The following NALF1 variants were observed in gnomAD, a reference collection of about 807,000 sequenced individuals.
NALF1 encodes the protein family with sequence similarity 155 member A.
Under a neutral mutation model 48.4 loss-of-function variants are expected in NALF1, and 3 were observed. The ratio of observed to expected loss-of-function variants is 0.06; its 90% CI spans 0.03 to 0.16. The LOEUF (loss-of-function observed/expected upper bound fraction) is 0.16. NALF1 is among the 10% of genes least tolerant of loss of function. NALF1 has a pLI of 1.00. For synonymous variants in NALF1, 262 were observed against 245.7 expected (o/e 1.07, Z -0.62); for missense variants, 526 against 571.5 (o/e 0.92, Z 0.81).
chr13:107,524,008 T>C (rs543260718), intron 1 of NALF1, among the ~76,000 whole-genome samples: 11 of 152,252 alleles, frequency 7.2e-5, no homozygotes, highest in Admixed American at 4.6e-4. Flanking sequence ...TCCCCACTGC[T>C]GAATATGGAA....
intron 1 of NALF1, among the ~76,000 whole-genome samples, chr13:107,554,975 G>A (rs113393278): frequency 2.0e-5 from 3 of 152,210 alleles, no homozygotes; most frequent in African/African-American, 7.2e-5. Flanking sequence ...GTCCGGGGAG[G>A]CCTCTGCTGA....
chr13:107,432,962 C>A (rs1303839785), intron 1 of NALF1, among the ~76,000 whole-genome samples: 1 of 152,130 alleles, frequency 6.6e-6, no homozygotes, highest in Non-Finnish European at 1.5e-5. Context: ...CACAGCAGCC[C>A]AGGGAGTCCC....
At chr13:107,485,018 C>T (rs1287135396) in intron 1 of NALF1, among the ~76,000 whole-genome samples, 1 of 152,068 alleles carries the variant, frequency 6.6e-6, no homozygotes, top group Non-Finnish European at 1.5e-5. Context: ...TGTTTATAAC[C>T]TCACAGGACA....
chr13:107,527,757 C>T (rs558146641), intron 1 of NALF1, among the ~76,000 whole-genome samples: 7 of 152,204 alleles, frequency 4.6e-5, no homozygotes, highest in South Asian at 2.1e-4. Flanking sequence ...AAACTTCTTT[C>T]GCTTGGGTCT....
intron 1 of NALF1, among the ~76,000 whole-genome samples, chr13:107,769,455 C>T (rs936748293): frequency 1.5e-4 from 21 of 144,338 alleles, no homozygotes; most frequent in African/African-American, 5.2e-4. Flanking sequence ...AAACCAAACA[C>T]CGCATATTCT....
At chr13:107,408,689 T>A (rs1883941323) in intron 1 of NALF1, among the ~76,000 whole-genome samples, 1 of 152,122 alleles carries the variant, frequency 6.6e-6, no homozygotes, top group Non-Finnish European at 1.5e-5. Flanking sequence ...CATGATCAGA[T>A]TGGCTTCCCA....
chr13:107,842,711 A>G (rs1408748388), intron 1 of NALF1, among the ~76,000 whole-genome samples: 1 of 151,944 alleles, frequency 6.6e-6, no homozygotes, highest in Non-Finnish European at 1.5e-5. Flanking sequence ...ACTTTTTTTA[A>G]AAGCTAATAA....
intron 1 of NALF1, among the ~76,000 whole-genome samples, chr13:107,818,807 G>A (rs1879260304): frequency 4.4e-5 from 6 of 135,728 alleles, no homozygotes; most frequent in African/African-American, 1.8e-4. Context: ...GGGAGGCGGA[G>A]CTTGCAGTGA....
chr13:107,785,608 G>A (rs1429290048), intron 1 of NALF1, among the ~76,000 whole-genome samples: 1 of 152,096 alleles, frequency 6.6e-6, no homozygotes, highest in Admixed American at 6.6e-5. Flanking sequence ...TATACTACCT[G>A]GGTTATGGGT....
At chr13:107,571,778 G>C (rs150676904) in intron 1 of NALF1, among the ~76,000 whole-genome samples, 1 of 152,284 alleles carries the variant, frequency 6.6e-6, no homozygotes, top group East Asian at 1.9e-4. Context: ...GAGTGGTACT[G>C]AATTGTAGGG....
chr13:107,385,415 T>G (rs115762996), intron 1 of NALF1, among the ~76,000 whole-genome samples: 4 of 151,926 alleles, frequency 2.6e-5, no homozygotes, highest in Non-Finnish European at 4.4e-5. Context: ...TAGCTGGGTA[T>G]AGTGGCGCGT....
At chr13:107,784,159 A>G (rs1878004946) in intron 1 of NALF1, among the ~76,000 whole-genome samples, 1 of 152,220 alleles carries the variant, frequency 6.6e-6, no homozygotes, top group Admixed American at 6.5e-5. Flanking sequence ...TGTTTAGTTT[A>G]GAAAAGTAGA....
At chr13:107,714,035 T>C (rs1272466850) in intron 1 of NALF1, among the ~76,000 whole-genome samples, 2 of 152,210 alleles carry the variant, frequency 1.3e-5, no homozygotes, top group Non-Finnish European at 2.9e-5. Flanking sequence ...CTTTTAGCTT[T>C]CACTGCCAGT....
intron 1 of NALF1, among the ~76,000 whole-genome samples, chr13:107,700,008 G>A (rs779315484): frequency 7.2e-5 from 11 of 151,840 alleles, no homozygotes; most frequent in South Asian, 4.1e-4. Context: ...CATTAAAGAC[G>A]CAAAGAAATA....
At chr13:107,674,252 T>G (rs943931801) in intron 1 of NALF1, among the ~76,000 whole-genome samples, 1 of 151,844 alleles carries the variant, frequency 6.6e-6, no homozygotes, top group Non-Finnish European at 1.5e-5. Context: ...ACAAACAAAA[T>G]AGGGTGCACA....
chr13:107,617,607 A>G (rs1051247481), intron 1 of NALF1, among the ~76,000 whole-genome samples: 7 of 152,212 alleles, frequency 4.6e-5, no homozygotes, highest in African/African-American at 1.7e-4. Flanking sequence ...GGTTGAGAAG[A>G]CAACAACTAA....
chr13:107,756,444 T>TATATATATATATATATATATATACAC (rs201150584), intron 1 of NALF1, among the ~76,000 whole-genome samples: 1 of 150,550 alleles, frequency 6.6e-6, no homozygotes, highest in African/African-American at 2.4e-5. Flanking sequence ...GCTATATATA[T>TATATATATATATATATATATATACAC]ATATATATAT....
intron 1 of NALF1, among the ~76,000 whole-genome samples, chr13:107,817,756 C>T (rs572314919): frequency 3.9e-5 from 6 of 152,300 alleles, no homozygotes; most frequent in African/African-American, 1.4e-4. Context: ...TGGTACGCTG[C>T]ACTTCCCCAC....
intron 1 of NALF1, among the ~76,000 whole-genome samples, chr13:107,736,834 C>A (rs1876480974): frequency 6.6e-6 from 1 of 152,184 alleles, no homozygotes. Flanking sequence ...AAGTAGACAG[C>A]AGCAGCCTCC....
Sources: gnomAD v4.1 joint callset for allele counts (sites outside exome capture counted in the v4.1 genomes callset) on GRCh38, gnomAD v4.1.1 for gene constraint, MANE v1.5 for transcripts, NCBI Gene and HGNC (gene_info 2026-07-23, HGNC 2026-07-21) for gene names.